The following IRAK2 variants were observed in gnomAD, a reference collection of about 807,000 sequenced individuals.
IRAK2 encodes interleukin-1 receptor-associated kinase-like 2.
A neutral mutation model predicts 72.0 loss-of-function variants in IRAK2; 57 were observed. The ratio of observed to expected loss-of-function variants is 0.79; its 90% CI spans 0.64 to 0.99. IRAK2 has a LOEUF of 0.99. Among genes scored for constraint, IRAK2 ranks in the 50% least tolerant of loss-of-function variants. The pLI is 0.00. For missense variants in IRAK2, 790 were observed against 794.4 expected (o/e 0.99, Z 0.07); for synonymous variants, 293 against 312.7 (o/e 0.94, Z 0.67).
intron 9 of IRAK2, among the ~76,000 whole-genome samples, chr3:10,223,380 C>T (rs1039379961): frequency 2.0e-5 from 3 of 152,010 alleles, no homozygotes; most frequent in Admixed American, 1.3e-4. Flanking sequence ...TTATGTCGTG[C>T]CAGGCACTAG....
At chr3:10,199,711 C>T (rs1422545854) in intron 2 of IRAK2, among the ~76,000 whole-genome samples, 20 of 151,926 alleles carry the variant, frequency 1.3e-4, no homozygotes, top group Admixed American at 1.2e-3. Context: ...GACACCCCAG[C>T]GGGAGGCAAA....
chr3:10,228,370 C>T (rs187109251), intron 10 of IRAK2, among the ~76,000 whole-genome samples: 1 of 152,094 alleles, frequency 6.6e-6, no homozygotes, highest in East Asian at 1.9e-4. Context: ...AGTTCCACCC[C>T]TTTTGGGCAG....
At position 10,172,431 on chromosome 3, in the gene IRAK2, G is replaced by A. The variant is rs1343939098; in HGVS notation, c.95-5407G>A. On this transcript the variant is annotated intron_variant, in intron 1 of 12. Coordinates refer to ENST00000256458, the MANE Select transcript of IRAK2 (RefSeq NM_001570.4). ...CACTCGCCTGTAATCCCAGCTATTCGGGAGGCTGAGGCAGGAGAATTGCTT... is the reference window on the plus strand; with the variant it reads ...CACTCGCCTGTAATCCCAGCTATTCAGGAGGCTGAGGCAGGAGAATTGCTT... 4.0e-5 allele frequency among the ~76,000 whole-genome samples: 6 copies of A among 151,184 alleles called. No individual in the cohort carries two copies. In the East Asian group the frequency reaches 7.9e-4, roughly 20 times the overall value.
intron 3 of IRAK2, among the ~76,000 whole-genome samples, chr3:10,209,005 G>T (rs1446679818): frequency 6.6e-6 from 1 of 151,988 alleles, no homozygotes; most frequent in Middle Eastern, 3.2e-3. Context: ...TGGTTCCACT[G>T]CCCCATATCT....
chr3:10,166,660 T>G (rs1289804502), intron 1 of IRAK2, among the ~76,000 whole-genome samples: 2 of 152,216 alleles, frequency 1.3e-5, no homozygotes, highest in African/African-American at 4.8e-5. Flanking sequence ...CATTTTTATT[T>G]TTTTGAGACA....
At chr3:10,178,620 ATTAAT>A (rs913628653) in intron 2 of IRAK2, among the ~76,000 whole-genome samples, 7 of 152,312 alleles carry the variant, frequency 4.6e-5, no homozygotes, top group African/African-American at 1.7e-4. Flanking sequence ...AAATACATTA[ATTAAT>A]TTAAAAAACC....
At chr3:10,192,281 G>A (rs527492523) in intron 2 of IRAK2, among the ~76,000 whole-genome samples, 30 of 152,306 alleles carry the variant, frequency 2.0e-4, no homozygotes, top group African/African-American at 7.0e-4. Context: ...TTTGACGGGC[G>A]TGAAGGGTTG....
intron 11 of IRAK2, 56 bp downstream of exon 11, chr3:10,234,715 C>T (rs1268644773): frequency 1.0e-5 from 15 of 1,480,680 alleles, no homozygotes; most frequent in Middle Eastern, 2.2e-4. Context: ...TCCACCTCAT[C>T]GGGGACGGCC....
At chr3:10,231,284 C>T (rs1412903472) in intron 10 of IRAK2, among the ~76,000 whole-genome samples, 2 of 151,916 alleles carry the variant, frequency 1.3e-5, no homozygotes, top group Admixed American at 1.3e-4. Flanking sequence ...ATTTTAACCA[C>T]TTATGTTTAA....
chr3:10,237,719 A>T (rs1697986647), intron 11 of IRAK2, among the ~76,000 whole-genome samples: 1 of 150,768 alleles, frequency 6.6e-6, no homozygotes, highest in Admixed American at 6.6e-5. Context: ...AGGCAGGAGA[A>T]TGGCGTGAAC....
chr3:10,204,250 A>G (rs1697405567), intron 3 of IRAK2, among the ~76,000 whole-genome samples: 1 of 152,250 alleles, frequency 6.6e-6, no homozygotes. Context: ...AGTGAGGCAC[A>G]GCTCATCTGA....
chr3:10,206,446 C>G (rs1448574846), intron 3 of IRAK2, among the ~76,000 whole-genome samples: 10 of 152,200 alleles, frequency 6.6e-5, no homozygotes, highest in African/African-American at 2.4e-4. Context: ...TGAGGGCAGC[C>G]CCTTGACAGG....
intron 3 of IRAK2, among the ~76,000 whole-genome samples, chr3:10,208,167 TTGGCCAAAGGCCAAGGCCC>T (rs1311691516): frequency 1.1e-4 from 17 of 151,734 alleles, no homozygotes; most frequent in Admixed American, 1.1e-3. Context: ...GAAGCAGGCC[TTGGCCAAAGGCCAAGGCCC>T]TTGGAAAAGT....
At chr3:10,177,054 G>A (rs1014832827) in intron 1 of IRAK2, among the ~76,000 whole-genome samples, 33 of 152,018 alleles carry the variant, frequency 2.2e-4, no homozygotes, top group Admixed American at 1.1e-3. Flanking sequence ...ACCTGCCTCG[G>A]CCTCCCAAAG....
chr3:10,218,229 G>A (rs980973673), intron 7 of IRAK2, among the ~76,000 whole-genome samples: 7 of 152,050 alleles, frequency 4.6e-5, no homozygotes, highest in African/African-American at 1.4e-4. Context: ...TTTGACACCA[G>A]CCTGACCAAT....
chr3:10,175,355 G>T (rs1696857380), intron 1 of IRAK2, among the ~76,000 whole-genome samples: 1 of 152,008 alleles, frequency 6.6e-6, no homozygotes, highest in Admixed American at 6.6e-5. Flanking sequence ...TCGAACTCCT[G>T]ACCTCAGGTG....
intron 2 of IRAK2, 97 bp from the exon 3 acceptor site, chr3:10,200,272 A>T (rs1697335783): frequency 9.1e-7 from 1 of 1,096,270 alleles, no homozygotes. Flanking sequence ...TGGCAGAGCC[A>T]GAATTAGAAC....
At chr3:10,222,604 T>C (rs763580925) in intron 8 of IRAK2, 32 bp from the exon 9 acceptor site, 46 of 1,585,542 alleles carry the variant, frequency 2.9e-5, no homozygotes, top group Non-Finnish European at 3.9e-5. Flanking sequence ...CAGCTCAAAA[T>C]GAGAAGGTTC....
At chr3:10,202,927 C>T (rs748984899) in intron 3 of IRAK2, among the ~76,000 whole-genome samples, 13 of 151,862 alleles carry the variant, frequency 8.6e-5, no homozygotes, top group Admixed American at 2.6e-4. Context: ...TGGGATCAAG[C>T]GATTCTCCCA....
Sources: allele counts gnomAD v4.1 joint callset (sites outside exome capture counted in the v4.1 genomes callset), GRCh38; gene constraint gnomAD v4.1.1; transcripts MANE v1.5; gene names NCBI Gene and HGNC (gene_info 2026-07-23, HGNC 2026-07-21).